LYPLA2: variants seen among roughly 807,000 people sequenced by gnomAD.
LYPLA2 encodes the protein lysophospholipase 2.
LYPLA2 carries 7 observed loss-of-function variants against 30.3 expected under a neutral mutation model. That is an observed-to-expected ratio of 0.23 (90% confidence interval 0.13 to 0.43). The LOEUF (loss-of-function observed/expected upper bound fraction) is 0.43. Ranked by LOEUF, LYPLA2 falls within the 20% of genes least tolerant of loss-of-function variation. The pLI, the probability that LYPLA2 is intolerant of heterozygous loss-of-function variation, is 1.00. For missense variants in LYPLA2, 206 were observed against 307.9 expected, an observed-to-expected ratio of 0.67 and a Z score of 2.48; for synonymous variants, 112 against 118.2, an observed-to-expected ratio of 0.95 and a Z score of 0.34.
chr1:23,795,147 A>C lies in LYPLA2; in HGVS notation c.*415A>C. The C allele has an allele frequency of 2.8e-6, 1 of 357,824 alleles. No homozygotes were observed. Among genetic ancestry groups the C allele is most frequent in the Non-Finnish European group, 5.5e-6 (1 of 183,450 alleles). The allele number at this position is 357,824 out of a possible 1,614,324, so 22.2% of individuals were successfully genotyped here. A position where few individuals can be genotyped will look rare whatever the true frequency, so the allele number is the denominator to read the frequency against. Reference sequence around the variant, plus strand: ...TGCCCCAACTGATTCTGCCCAGATAATCGTGTCTCCTGCCTCCACTCAGCT... The same window carrying C: ...TGCCCCAACTGATTCTGCCCAGATACTCGTGTCTCCTGCCTCCACTCAGCT... On this transcript the variant is annotated 3_prime_UTR_variant, in exon 10 of 10. Transcript: ENST00000374514.
At chr1:23,792,275 G>C (rs1322963280) in intron 1 of LYPLA2, among the ~76,000 whole-genome samples, 2 of 152,006 alleles carry the variant, frequency 1.3e-5, no homozygotes, top group Non-Finnish European at 2.9e-5. Context: ...CAGGGACCCA[G>C]GGATGATTGG....
Position 23,794,355 on chromosome 1 carries a change from T to A in LYPLA2, c.471+30T>A. The A allele has an allele frequency of 7.8e-7, 1 of 1,277,886 alleles. No homozygotes were observed. The highest frequency in any genetic ancestry group is 1.1e-6 in the Non-Finnish European group (1 of 892,390). 79.2% of individuals were successfully genotyped at this position (1,277,886 alleles called of 1,614,324 possible). On this transcript the variant is annotated intron_variant, in intron 8 of 9. Transcript: ENST00000374514. This position sits in a 1 kb window ranked among gnomAD's most constrained non-coding sequence, Gnocchi z 5.9. ...ATGTCCCCACTGACCCCCCCGCCCT[T>A]TGTGTCTGCATCCTCGTGGCTTGGG...
At position 23,794,769 on chromosome 1, in the gene LYPLA2, G is replaced by C; in HGVS notation, c.*37G>C. The C allele has an allele frequency of 6.2e-7, 1 of 1,612,138 alleles. No individual in the cohort carries two copies. The highest frequency in any genetic ancestry group is 8.5e-7 in the Non-Finnish European group (1 of 1,178,536). On this transcript the variant is annotated 3_prime_UTR_variant, in exon 10 of 10. Coordinates refer to ENST00000374514, the MANE Select transcript of LYPLA2 (RefSeq NM_007260.3). This position sits in a 1 kb window ranked among gnomAD's most constrained non-coding sequence, Gnocchi z 5.9. ...CCCCAGTGCAGTACCCCAGCTCATGGGGGACTCAGCAAGCAAGCGTGGCAC... is the reference window on the plus strand; with the variant it reads ...CCCCAGTGCAGTACCCCAGCTCATGCGGGACTCAGCAAGCAAGCGTGGCAC...
Position 23,791,221 on chromosome 1 carries a change from A to G in LYPLA2, c.-56A>G, listed in dbSNP as rs571664320. On this transcript the variant is annotated 5_prime_UTR_variant, in exon 1 of 10. Transcript: ENST00000374514. Reference sequence around the variant, plus strand: ...TGCGGGAGAAAGAGGAGAATCGCCCAAGCGGCCTCGGAAGTCCCAGGGAGT... The same window carrying G: ...TGCGGGAGAAAGAGGAGAATCGCCCGAGCGGCCTCGGAAGTCCCAGGGAGT... 6 of 152,644 alleles carry G rather than the reference A, an allele frequency of 3.9e-5. No homozygotes were observed. Among genetic ancestry groups the G allele is most frequent in the African/African-American group, 1.4e-4 (6 of 41,482 alleles). The allele number at this position is 152,644 out of a possible 1,614,324, so 9.5% of individuals were successfully genotyped here.
At chr1:23,791,581 A>G (rs933123627) in intron 1 of LYPLA2, among the ~76,000 whole-genome samples, 2 of 152,146 alleles carry the variant, frequency 1.3e-5, no homozygotes, top group Non-Finnish European at 2.9e-5. Context: ...ACCTTTGGTC[A>G]GAACAGAAGT....
Position 23,794,821 on chromosome 1 carries a change from CCT to C in LYPLA2, c.*90_*91del, listed in dbSNP as rs765063417. 2.0e-5 allele frequency: 29 copies of C among 1,435,258 alleles called. No homozygotes were observed. Among genetic ancestry groups the C allele is most frequent in the East Asian group, 4.8e-5 (2 of 41,904 alleles). 88.9% of individuals were successfully genotyped at this position (1,435,258 alleles called of 1,614,324 possible). A position where few individuals can be genotyped will look rare whatever the true frequency, so the allele number is the denominator to read the frequency against. ...ATCTTGGATCTGAGCCGGTCGAGCC[CCT>C]GTCCCCACCCTTCCTGACCTGTCCT... On this transcript the variant is annotated 3_prime_UTR_variant, in exon 10 of 10. Transcript: ENST00000374514. The surrounding 1 kb of genome is among the most constrained non-coding windows in gnomAD (Gnocchi z 5.9).
rs1638784930 is a variant in LYPLA2, at chr1:23,791,235, G to A, written c.-42G>A. On this transcript the variant is annotated 5_prime_UTR_variant, in exon 1 of 10. Transcript: ENST00000374514. ...GAGAATCGCCCAAGCGGCCTCGGAA[G>A]TCCCAGGGAGTGGAGGTACCCAGCC... 1 of 152,680 alleles carries A rather than the reference G, an allele frequency of 6.5e-6. No homozygotes were observed. The highest frequency in any genetic ancestry group is 1.5e-5 in the Non-Finnish European group (1 of 68,128). The allele number at this position is 152,680 out of a possible 1,614,324, so 9.5% of individuals were successfully genotyped here. A position where few individuals can be genotyped will look rare whatever the true frequency, so the allele number is the denominator to read the frequency against.
At position 23,794,541 on chromosome 1, in the gene LYPLA2, A is replaced by C. The variant is rs1638885280; in HGVS notation, c.586A>C (p.Thr196Pro). Residue 196 changes from threonine (T) to proline (P), a missense_variant, in exon 9 of 10, where the codon ACA becomes CCA. Coordinates refer to ENST00000374514, the MANE Select transcript of LYPLA2 (RefSeq NM_007260.3). The surrounding 1 kb of genome is among the most constrained non-coding windows in gnomAD (Gnocchi z 5.9). ...GGCTGAGAAGCTCCGGTCTGTTGTC[A>C]CACCTGCCAGGGTCCAGTTCAAGAC... ...LTAEKLRSVVTPARVQFKTYP... is the reference protein window; with the variant it reads ...LTAEKLRSVVPPARVQFKTYP... The C allele has an allele frequency of 6.2e-7, 1 of 1,613,994 alleles. No individual in the cohort carries two copies. The highest frequency in any genetic ancestry group is 1.3e-5 in the African/African-American group (1 of 74,962).
chr1:23,793,666 C>CT lies in LYPLA2; in HGVS notation c.177-38dup. Reference sequence around the variant, plus strand: ...GCTCTGAGCTCTGGCCTCCTCATTCCTCCTGAGCATGATGGGCCCTCTGGC... The same window carrying CT: ...GCTCTGAGCTCTGGCCTCCTCATTCCTTCCTGAGCATGATGGGCCCTCTGGC... On this transcript the variant is annotated intron_variant, in intron 4 of 9. Coordinates refer to ENST00000374514, the MANE Select transcript of LYPLA2 (RefSeq NM_007260.3). This position sits in a 1 kb window ranked among gnomAD's most constrained non-coding sequence, Gnocchi z 6.0. The CT allele has an allele frequency of 6.2e-7, 1 of 1,608,174 alleles. No homozygotes were observed. The highest frequency in any genetic ancestry group is 8.5e-7 in the Non-Finnish European group (1 of 1,174,578).
chr1:23,793,918 G>T lies in LYPLA2; in HGVS notation c.283G>T (p.Ala95Ser). Residue 95 changes from alanine (A) to serine (S), a missense_variant, in exon 6 of 10, where the codon GCA (alanine) becomes TCA (serine). Transcript: ENST00000374514. This position sits in a 1 kb window ranked among gnomAD's most constrained non-coding sequence, Gnocchi z 6.0. The part of the protein sequence containing the change: ...APEDEAGIKK[A>S]AENIKALIEH... ...AGAGGACGAGGCTGGCATCAAGAAG[G>T]CAGCAGAGAACAGTAAGACCCCAGC... is the stretch of plus-strand genomic sequence containing the variant. The T allele has an allele frequency of 3.1e-6, 5 of 1,613,846 alleles. No individual in the cohort carries two copies. Among genetic ancestry groups the T allele is most frequent in the Non-Finnish European group, 4.2e-6 (5 of 1,179,820 alleles).
Position 23,793,463 on chromosome 1 carries a change from A to G in LYPLA2, c.177-242A>G, listed in dbSNP as rs1471756725. On this transcript the variant is annotated intron_variant, in intron 4 of 9. Coordinates refer to ENST00000374514, the MANE Select transcript of LYPLA2 (RefSeq NM_007260.3). This position sits in a 1 kb window ranked among gnomAD's most constrained non-coding sequence, Gnocchi z 6.0. ...CACACCTCCCTTTGCCCCTTCCCCAAGTACTCACCGACTACCTGGGACCCC... is the reference window on the plus strand; with the variant it reads ...CACACCTCCCTTTGCCCCTTCCCCAGGTACTCACCGACTACCTGGGACCCC... Among the ~76,000 whole-genome samples, 1 of 152,104 alleles carries G rather than the reference A, an allele frequency of 6.6e-6. No homozygotes were observed. The highest frequency in any genetic ancestry group is 1.9e-4 in the East Asian group (1 of 5,180).
chr1:23,794,314 G>T lies in LYPLA2; in HGVS notation c.460G>T (p.Ala154Ser). 1 of 1,612,478 alleles carries T rather than the reference G, an allele frequency of 6.2e-7. No individual in the cohort carries two copies. Residue 154 changes from alanine (A) to serine (S), a missense_variant, in exon 8 of 10, where the codon GCC becomes TCC. Physicochemically the swap from Ala to Ser is moderately conservative, Grantham distance 99 (BLOSUM62 1). Coordinates refer to ENST00000374514, the MANE Select transcript of LYPLA2 (RefSeq NM_007260.3). This position sits in a 1 kb window ranked among gnomAD's most constrained non-coding sequence, Gnocchi z 5.9. ...GAGCTGCTGGCTGCCTCTGCACCGG[G>T]CCTTCCCCCAGGTGAATGTCCCCAC... ...ALSCWLPLHR[A>S]FPQAANGSAK...
rs1638853813 is a variant in LYPLA2, at chr1:23,793,807, C to A, written c.225-53C>A. The A allele has an allele frequency of 1.2e-6, 2 of 1,611,232 alleles. No homozygotes were observed. The highest frequency in any genetic ancestry group is 1.1e-5 in the South Asian group (1 of 91,036). On this transcript the variant is annotated intron_variant, in intron 5 of 9. Transcript: ENST00000374514. This position sits in a 1 kb window ranked among gnomAD's most constrained non-coding sequence, Gnocchi z 6.0. ...GACGAGGACACTTGGGCTGAGGGAG[C>A]CACAGGGGGCTGGCTGGGGTTTTCT...
At chr1:23,792,273 C>G (rs1384496999) in intron 1 of LYPLA2, among the ~76,000 whole-genome samples, 1 of 151,808 alleles carries the variant, frequency 6.6e-6, no homozygotes, top group Middle Eastern at 3.2e-3. Flanking sequence ...GGCAGGGACC[C>G]AGGGATGATT....
Position 23,793,641 on chromosome 1 carries a change from G to A in LYPLA2, c.177-64G>A, listed in dbSNP as rs1019301722. 2 of 1,555,944 alleles carry A rather than the reference G, an allele frequency of 1.3e-6. No individual in the cohort carries two copies. Among genetic ancestry groups the A allele is most frequent in the African/African-American group, 1.4e-5 (1 of 73,776 alleles). ...CAGGGGCGGCGCGGCCCCACTCCGGGCTCTGAGCTCTGGCCTCCTCATTCC... is the reference window on the plus strand; with the variant it reads ...CAGGGGCGGCGCGGCCCCACTCCGGACTCTGAGCTCTGGCCTCCTCATTCC... On this transcript the variant is annotated intron_variant, in intron 4 of 9. Transcript: ENST00000374514. This position sits in a 1 kb window ranked among gnomAD's most constrained non-coding sequence, Gnocchi z 6.0.
At chr1:23,792,943 G>A in intron 2 of LYPLA2, 65 bp from the exon 3 acceptor site, 1 of 1,553,476 alleles carries the variant, frequency 6.4e-7, no homozygotes. Context: ...GTGGGGGAGG[G>A]GTGGGCAGAA....
rs1182109074 is a variant in LYPLA2, at chr1:23,794,714, G to A, written c.678G>A (p.Lys226=). The change falls in exon 10 of 10, where the codon AAG becomes AAA. Residue 226 remains lysine, a synonymous_variant. Coordinates refer to ENST00000374514, the MANE Select transcript of LYPLA2 (RefSeq NM_007260.3). The surrounding 1 kb of genome is among the most constrained non-coding windows in gnomAD (Gnocchi z 5.9). ...CAGCTGTGAAGGAATTTCTTGAGAA[G>A]CTGCTGCCTCCTGTCTAACTAGTCG... ...EMAAVKEFLE[K]LLPPV 6.2e-7 allele frequency: 1 copy of A among 1,614,174 alleles called. No homozygotes were observed. The highest frequency in any genetic ancestry group is 1.1e-5 in the South Asian group (1 of 91,084).
In LYPLA2 at chr1:23,794,332, G is replaced by A. The variant is rs1463387750; in HGVS notation, c.471+7G>A. The A allele has an allele frequency of 2.5e-6, 4 of 1,607,300 alleles. No individual in the cohort carries two copies. Among genetic ancestry groups the A allele is most frequent in the Non-Finnish European group, 3.4e-6 (4 of 1,174,940 alleles). On this transcript the variant is annotated splice_region_variant and intron_variant, in intron 8 of 9. Transcript: ENST00000374514. This position sits in a 1 kb window ranked among gnomAD's most constrained non-coding sequence, Gnocchi z 5.9. ...GCACCGGGCCTTCCCCCAGGTGAATGTCCCCACTGACCCCCCCGCCCTTTG... is the reference window on the plus strand; with the variant it reads ...GCACCGGGCCTTCCCCCAGGTGAATATCCCCACTGACCCCCCCGCCCTTTG...
chr1:23,793,992 GT>G lies in LYPLA2; in HGVS notation c.295+64del. 6.3e-7 allele frequency: 1 copy of G among 1,593,196 alleles called. No individual in the cohort carries two copies. Among genetic ancestry groups the G allele is most frequent in the Admixed American group, 1.7e-5 (1 of 59,992 alleles). On this transcript the variant is annotated intron_variant, in intron 6 of 9. Coordinates refer to ENST00000374514, the MANE Select transcript of LYPLA2 (RefSeq NM_007260.3). This position sits in a 1 kb window ranked among gnomAD's most constrained non-coding sequence, Gnocchi z 6.0. ...CTGCCCCCCAGGAAAGCGCTGGGCG[GT>G]TCCTCAGCCTAGCTCCCTTATTGGG...
Sources: allele counts gnomAD v4.1 joint callset (sites outside exome capture counted in the v4.1 genomes callset), GRCh38; gene constraint gnomAD v4.1.1; non-coding constraint Gnocchi (gnomAD v3.1); transcripts MANE v1.5; gene names NCBI Gene and HGNC (gene_info 2026-07-23, HGNC 2026-07-21).